BARHL1: variants seen among roughly 807,000 people sequenced by gnomAD.
BARHL1 encodes BarH like homeobox 1.
In BARHL1, 2 loss-of-function variants were observed where a neutral mutation model predicts 20.1. The observed-to-expected ratio is 0.10, with a 90% CI of 0.04 to 0.31. The LOEUF is 0.31. Ranked by LOEUF, BARHL1 falls within the 10% of genes least tolerant of loss-of-function variation. BARHL1 has a pLI of 1.00. For missense variants in BARHL1, 397 were observed against 454.0 expected (o/e 0.87, Z 1.14); for synonymous variants, 213 against 209.9 (o/e 1.01, Z -0.13).
In BARHL1 at chr9:132,589,677, C is replaced by T. The variant is rs1830186474; in HGVS notation, c.*155C>T. On this transcript the variant is annotated 3_prime_UTR_variant, in exon 3 of 3. Coordinates refer to ENST00000263610, the MANE Select transcript of BARHL1 (RefSeq NM_020064.4). ...CCAGTGCCCCCCGAAGGGCCAAATG[C>T]CAAGTCCACTGAGGCCCGGACCCCG... 2.9e-6 allele frequency: 3 copies of T among 1,052,528 alleles called. No individual in the cohort carries two copies. Among genetic ancestry groups the T allele is most frequent in the South Asian group, 9.3e-5 (2 of 21,602 alleles). 65.2% of individuals were successfully genotyped at this position (1,052,528 alleles called of 1,614,324 possible). A position where few individuals can be genotyped will look rare whatever the true frequency, so the allele number is the denominator to read the frequency against.
chr9:132,584,129 G>A (rs901537997), intron 1 of BARHL1, among the ~76,000 whole-genome samples: 1 of 122,968 alleles, frequency 8.1e-6, no homozygotes, highest in Admixed American at 7.5e-5. Flanking sequence ...GGAGAAGGAA[G>A]GAAGGAAGGA....
Position 132,582,898 on chromosome 9 carries a change from C to T in BARHL1, c.101C>T (p.Ser34Leu). ...GACCCCTTGCTCGGGGACTGCCGTT[C>T]GCCCCTGGAGCTGAGTCCACGCTCA... ...KGDPLLGDCR[S>L]PLELSPRSES... The change falls in exon 1 of 3, where the codon TCG (serine) becomes TTG (leucine). Residue 34 changes from serine to leucine, a missense_variant. By Grantham distance (145) the Ser-to-Leu change is moderately radical. Coordinates refer to ENST00000263610, the MANE Select transcript of BARHL1 (RefSeq NM_020064.4). 6.2e-7 allele frequency: 1 copy of T among 1,613,392 alleles called. No individual in the cohort carries two copies. The highest frequency in any genetic ancestry group is 8.5e-7 in the Non-Finnish European group (1 of 1,179,914).
chr9:132,583,050 GC>G lies in BARHL1; in HGVS notation c.257del (p.Pro86ArgfsTer12). The G allele has an allele frequency of 6.2e-7, 1 of 1,613,866 alleles. No homozygotes were observed. The highest frequency in any genetic ancestry group is 8.5e-7 in the Non-Finnish European group (1 of 1,179,948). Reference protein sequence around the residue: ...DSHLQPGQLSAPAQSRTVTSS... With the variant: ...DSHLQPGQLSXPAQSRTVTSS... ...CCACCTGCAGCCCGGGCAGCTCTCA[GC>G]CCCGGCCCAGTCGCGCACCGTCACC... On this transcript the variant is annotated frameshift_variant, in exon 1 of 3. Coordinates refer to ENST00000263610, the MANE Select transcript of BARHL1 (RefSeq NM_020064.4). LOFTEE classifies it high-confidence loss of function.
At position 132,587,994 on chromosome 9, in the gene BARHL1, A is replaced by G. The variant is rs771852337; in HGVS notation, c.689+443A>G. Among the ~76,000 whole-genome samples the G allele has an allele frequency of 4.1e-4, 62 of 152,218 alleles. No individual in the cohort carries two copies. The highest frequency in any genetic ancestry group is 7.4e-4 in the Non-Finnish European group (50 of 68,014). On this transcript the variant is annotated intron_variant, in intron 2 of 2. Transcript: ENST00000263610. This position sits in a 1 kb window ranked among gnomAD's most constrained non-coding sequence, Gnocchi z 5.5. Reference sequence around the variant, plus strand: ...CTTGGGGTGTTGAAGCCTGGCCCAGACCGGGCAGCTGCCGCAGGGGCCTCA... The same window carrying G: ...CTTGGGGTGTTGAAGCCTGGCCCAGGCCGGGCAGCTGCCGCAGGGGCCTCA...
rs1230974797 is a variant in BARHL1 at position 132,587,421 on chromosome 9, G to T, written c.559G>T (p.Asp187Tyr). The T allele has an allele frequency of 6.2e-7, 1 of 1,612,702 alleles. No homozygotes were observed. ...KPRKARTAFT[D>Y]HQLAQLERSF... ...ACGCAAGGCGCGCACGGCCTTCACC[G>T]ACCATCAGCTGGCGCAGCTGGAGCG... Residue 187 changes from aspartate to tyrosine, a missense_variant, in exon 2 of 3, where the codon GAC becomes TAC. Transcript: ENST00000263610. This position sits in a 1 kb window ranked among gnomAD's most constrained non-coding sequence, Gnocchi z 5.5.
In BARHL1 at chr9:132,582,655, C is replaced by T. The variant is rs1301545313; in HGVS notation, c.-143C>T. On this transcript the variant is annotated 5_prime_UTR_variant, in exon 1 of 3. Transcript: ENST00000263610. ...GGTTGGCCCAGAGCTCCCGGGCTCC[C>T]CCAAGGCTGAACTCCGTCCAAGGTG... 4 of 740,870 alleles carry T rather than the reference C, an allele frequency of 5.4e-6. No individual in the cohort carries two copies. Among genetic ancestry groups the T allele is most frequent in the South Asian group, 3.8e-5 (2 of 52,554 alleles). 45.9% of individuals were successfully genotyped at this position (740,870 alleles called of 1,614,324 possible).
chr9:132,589,179 T>A, intron 2 of BARHL1, 49 bp from the exon 3 acceptor site: 2 of 1,550,790 alleles, frequency 1.3e-6, no homozygotes, highest in Non-Finnish European at 1.7e-6. Flanking sequence ...CTGGGGTCGC[T>A]GGATGCCCTA....
In BARHL1 at chr9:132,587,284, G is replaced by C; in HGVS notation, c.467-45G>C. The C allele has an allele frequency of 6.6e-7, 1 of 1,518,956 alleles. No homozygotes were observed. The highest frequency in any genetic ancestry group is 1.9e-5 in the Admixed American group (1 of 51,826). 94.1% of individuals were successfully genotyped at this position (1,518,956 alleles called of 1,614,324 possible). A position where few individuals can be genotyped will look rare whatever the true frequency, so the allele number is the denominator to read the frequency against. ...CACGGGCAGGAGCGGGAGGGCACCGGCGGCGGCTGCGAGGCCGGGCCCTGA... is the reference window on the plus strand; with the variant it reads ...CACGGGCAGGAGCGGGAGGGCACCGCCGGCGGCTGCGAGGCCGGGCCCTGA... On this transcript the variant is annotated intron_variant, in intron 1 of 2. Transcript: ENST00000263610. This position sits in a 1 kb window ranked among gnomAD's most constrained non-coding sequence, Gnocchi z 5.5.
chr9:132,585,402 G>A (rs1448855699), intron 1 of BARHL1, among the ~76,000 whole-genome samples: 1 of 152,206 alleles, frequency 6.6e-6, no homozygotes, highest in African/African-American at 2.4e-5. Flanking sequence ...TTTCCTCCAA[G>A]GAGGGCATGG....
chr9:132,586,659 G>C (rs1830146979), intron 1 of BARHL1, among the ~76,000 whole-genome samples: 1 of 152,246 alleles, frequency 6.6e-6, no homozygotes, highest in African/African-American at 2.4e-5. Context: ...TGGCAGGGTC[G>C]CTTATTCTCC....
chr9:132,584,185 A>AG (rs1830113657), intron 1 of BARHL1, among the ~76,000 whole-genome samples: 1 of 151,828 alleles, frequency 6.6e-6, no homozygotes, highest in East Asian at 1.9e-4. Context: ...GGGAAGAAGA[A>AG]AAAAAAAGAA....
At chr9:132,583,640 G>T (rs1440912087) in intron 1 of BARHL1, among the ~76,000 whole-genome samples, 1 of 152,236 alleles carries the variant, frequency 6.6e-6, no homozygotes, top group African/African-American at 2.4e-5. Flanking sequence ...ATGGAAGACT[G>T]AAAGGGTTCT....
At position 132,587,109 on chromosome 9, in the gene BARHL1, G is replaced by A. The variant is rs1039767707; in HGVS notation, c.467-220G>A. Among the ~76,000 whole-genome samples the A allele has an allele frequency of 6.6e-6, 1 of 152,236 alleles. No homozygotes were observed. Among genetic ancestry groups the A allele is most frequent in the African/African-American group, 2.4e-5 (1 of 41,464 alleles). On this transcript the variant is annotated intron_variant, in intron 1 of 2. Coordinates refer to ENST00000263610, the MANE Select transcript of BARHL1 (RefSeq NM_020064.4). This position sits in a 1 kb window ranked among gnomAD's most constrained non-coding sequence, Gnocchi z 5.5. ...CTTTCTCCCCGGAGCTGCCCGGGGG[G>A]TCTCGGCCTCGGGCGCTCCCGCCGC...
chr9:132,588,935 C>G (rs935295550), intron 2 of BARHL1, among the ~76,000 whole-genome samples: 3 of 152,188 alleles, frequency 2.0e-5, no homozygotes, highest in Non-Finnish European at 2.9e-5. Context: ...TAGAGCCGGG[C>G]TTTGGGGTCA....
intron 2 of BARHL1, among the ~76,000 whole-genome samples, chr9:132,588,443 T>C (rs920632492): frequency 1.3e-5 from 2 of 152,094 alleles, no homozygotes; most frequent in African/African-American, 4.8e-5. Flanking sequence ...TACACAATTA[T>C]GATGATGATG....
chr9:132,587,231 C>G lies in BARHL1; in HGVS notation c.467-98C>G. The stretch of plus-strand genomic sequence containing the variant: ...GAGCTTGGGTGTCGCGGAACCACCG[C>G]TGTCGGAAGCCGAGGTTACACAAAC... On this transcript the variant is annotated intron_variant, in intron 1 of 2. Transcript: ENST00000263610. This position sits in a 1 kb window ranked among gnomAD's most constrained non-coding sequence, Gnocchi z 5.5. The G allele has an allele frequency of 8.4e-7, 1 of 1,190,632 alleles. No individual in the cohort carries two copies. The allele number at this position is 1,190,632 out of a possible 1,614,324, so 73.8% of individuals were successfully genotyped here. A position where few individuals can be genotyped will look rare whatever the true frequency, so the allele number is the denominator to read the frequency against.
In BARHL1 at chr9:132,587,379, G is replaced by A; in HGVS notation, c.517G>A (p.Val173Met). The A allele has an allele frequency of 1.2e-6, 2 of 1,611,752 alleles. No homozygotes were observed. Among genetic ancestry groups the A allele is most frequent in the Non-Finnish European group, 1.7e-6 (2 of 1,179,594 alleles). Residue 173 changes from valine to methionine, a missense_variant, in exon 2 of 3, where the codon GTG (valine) becomes ATG (methionine). Val to Met is a conservative substitution (Grantham distance 21). Transcript: ENST00000263610. This position sits in a 1 kb window ranked among gnomAD's most constrained non-coding sequence, Gnocchi z 5.5. ...CTCCAGCTCCAGGGACAGTCCCCCG[G>A]TGCGCCTGAAAAAGCCACGCAAGGC... The part of the protein sequence containing the change: ...EISSSRDSPP[V>M]RLKKPRKART...
At chr9:132,584,223 T>C (rs1009634023) in intron 1 of BARHL1, among the ~76,000 whole-genome samples, 1 of 152,094 alleles carries the variant, frequency 6.6e-6, no homozygotes, top group African/African-American at 2.4e-5. Flanking sequence ...TGACCCCCAG[T>C]CACTACCTCG....
intron 1 of BARHL1, among the ~76,000 whole-genome samples, chr9:132,585,185 G>T (rs73560838): frequency 0.01 from 1,546 of 152,232 alleles, 22 homozygotes; most frequent in African/African-American, 0.031. Context: ...GGAGCGAAGG[G>T]GGTAGAAGGT....
Sources: gnomAD v4.1 joint callset for allele counts (sites outside exome capture counted in the v4.1 genomes callset) on GRCh38, gnomAD v4.1.1 for gene constraint, Gnocchi (gnomAD v3.1) non-coding constraint, MANE v1.5 for transcripts, NCBI Gene and HGNC (gene_info 2026-07-23, HGNC 2026-07-21) for gene names.